Variants in PAQR5 observed in about 807,000 individuals in gnomAD.
PAQR5 encodes progestin and adipoQ receptor family member 5.
Under a neutral mutation model 34.5 loss-of-function variants are expected in PAQR5, and 20 were observed. The ratio of observed to expected loss-of-function variants is 0.58; its 90% CI spans 0.41 to 0.84. The LOEUF (loss-of-function observed/expected upper bound fraction) is 0.84. Among genes scored for constraint, PAQR5 ranks in the 40% least tolerant of loss-of-function variants. The pLI is 0.00. For synonymous variants in PAQR5, 131 were observed against 155.6 expected, an observed-to-expected ratio of 0.84 and a Z score of 1.18; for missense variants, 378 against 412.7, an observed-to-expected ratio of 0.92 and a Z score of 0.73.
intron 2 of PAQR5, among the ~76,000 whole-genome samples, chr15:69,355,691 G>T (rs1461821710): frequency 1.3e-5 from 2 of 152,052 alleles, no homozygotes; most frequent in Non-Finnish European, 2.9e-5. Flanking sequence ...AAAGTGCTGG[G>T]ATTACAGGTG....
At chr15:69,392,733 G>T (rs1195031807) in intron 6 of PAQR5, among the ~76,000 whole-genome samples, 1 of 152,092 alleles carries the variant, frequency 6.6e-6, no homozygotes, top group Non-Finnish European at 1.5e-5. Context: ...ACACCTGCCG[G>T]TATACACAGG....
At chr15:69,380,031 C>T in intron 4 of PAQR5, 21 bp downstream of exon 4, 1 of 1,613,148 alleles carries the variant, frequency 6.2e-7, no homozygotes, top group Non-Finnish European at 8.5e-7. Context: ...GCCCCCTCGA[C>T]CGGCCTGTCT....
chr15:69,355,417 TTTTC>T (rs1352563289), intron 2 of PAQR5, among the ~76,000 whole-genome samples: 1 of 150,002 alleles, frequency 6.7e-6, no homozygotes, highest in African/African-American at 2.5e-5. Context: ...TTTTTTTTCT[TTTTC>T]TTTTTCTTTT....
chr15:69,378,949 C>A (rs542330119), intron 3 of PAQR5, among the ~76,000 whole-genome samples: 1 of 152,290 alleles, frequency 6.6e-6, no homozygotes, highest in Admixed American at 6.5e-5. Flanking sequence ...TCAATAGTGT[C>A]AAAATTGAGA....
chr15:69,369,176 C>A (rs183896821), intron 3 of PAQR5, among the ~76,000 whole-genome samples: 4 of 152,050 alleles, frequency 2.6e-5, no homozygotes, highest in Non-Finnish European at 4.4e-5. Flanking sequence ...CTATCTCTGC[C>A]GTCTACTGTT....
intron 2 of PAQR5, among the ~76,000 whole-genome samples, chr15:69,350,836 C>G (rs2102268): frequency 0.046 from 7,005 of 152,178 alleles, 531 homozygotes; most frequent in African/African-American, 0.16. Context: ...AAAATTTATA[C>G]TATTACTCTT....
rs549201783 is a variant in PAQR5, at chr15:69,379,880, C to T, written c.52-3C>T. 773 of 1,613,316 alleles carry T rather than the reference C, an allele frequency of 4.8e-4. 10 individuals are homozygous for T. The South Asian group carries it at 8.0e-3, about 17-fold the overall frequency. On this transcript the variant is annotated splice_region_variant and splice_polypyrimidine_tract_variant and intron_variant, in intron 3 of 8. Coordinates refer to ENST00000395407, the MANE Select transcript of PAQR5 (RefSeq NM_017705.4). ...TCAGTGTCCTTTTCCTTTGCCTCTG[C>T]AGGTGTTCCATGAGCAAGGCATCCT...
At chr15:69,329,517 CTCTG>C (rs1352078177) in intron 1 of PAQR5, among the ~76,000 whole-genome samples, 2 of 127,194 alleles carry the variant, frequency 1.6e-5, no homozygotes, top group African/African-American at 6.2e-5. Flanking sequence ...TGTCACCTCG[CTCTG>C]TCTGATTGTT....
chr15:69,310,476 G>A (rs114624577), intron 1 of PAQR5, among the ~76,000 whole-genome samples: 2 of 152,104 alleles, frequency 1.3e-5, no homozygotes, highest in East Asian at 1.9e-4. Flanking sequence ...AGTTTAACCT[G>A]CATTTTTGAA....
intron 6 of PAQR5, among the ~76,000 whole-genome samples, chr15:69,395,455 G>A (rs1390102149): frequency 6.6e-6 from 1 of 152,224 alleles, no homozygotes; most frequent in Non-Finnish European, 1.5e-5. Flanking sequence ...ATAGATACAA[G>A]GTGGGGATGG....
intron 4 of PAQR5, among the ~76,000 whole-genome samples, chr15:69,381,052 G>T (rs950012173): frequency 6.6e-6 from 1 of 152,238 alleles, no homozygotes; most frequent in African/African-American, 2.4e-5. Context: ...GCTCAGTCTG[G>T]TGTGGACTAG....
chr15:69,323,052 T>C (rs1211011727), intron 1 of PAQR5, among the ~76,000 whole-genome samples: 1 of 139,538 alleles, frequency 7.2e-6, no homozygotes, highest in African/African-American at 2.9e-5. Flanking sequence ...AGTGGGGTTT[T>C]CCAGGACCTA....
In PAQR5 at chr15:69,404,101, G is replaced by T; in HGVS notation, c.*279G>T. The stretch of plus-strand genomic sequence containing the variant: ...TTAATTTTAAATTTACTTAAAATGT[G>T]GTTTTAAATTCTATTTAAACATTTG... On this transcript the variant is annotated 3_prime_UTR_variant, in exon 9 of 9. Coordinates refer to ENST00000395407, the MANE Select transcript of PAQR5 (RefSeq NM_017705.4). 1.2e-5 allele frequency: 4 copies of T among 343,128 alleles called. No homozygotes were observed. Among genetic ancestry groups the T allele is most frequent in the South Asian group, 8.3e-5 (2 of 24,136 alleles). The allele number at this position is 343,128 out of a possible 1,614,324, so 21.3% of individuals were successfully genotyped here.
chr15:69,373,593 A>G (rs2055621699), intron 3 of PAQR5, among the ~76,000 whole-genome samples: 1 of 151,942 alleles, frequency 6.6e-6, no homozygotes, highest in East Asian at 1.9e-4. Context: ...AGCACACACT[A>G]CCTGAGTTCT....
At position 69,375,938 on chromosome 15, in the gene PAQR5, A is replaced by T. The variant is rs1015018440; in HGVS notation, c.52-3945A>T. Among the ~76,000 whole-genome samples the T allele has an allele frequency of 5.9e-5, 9 of 152,122 alleles. 1 individual carries two copies. Among genetic ancestry groups the T allele is most frequent in the Admixed American group, 3.3e-4 (5 of 15,268 alleles). On this transcript the variant is annotated intron_variant, in intron 3 of 8. Transcript: ENST00000395407. ...GGTTTGCAGTTTAATAGCTAGAAAA[A>T]CCAAAGGCTTGAAACTGTCACGGTA...
intron 3 of PAQR5, among the ~76,000 whole-genome samples, chr15:69,367,269 C>CT (rs374004795): frequency 4.7e-4 from 71 of 151,492 alleles, no homozygotes; most frequent in East Asian, 3.3e-3. Context: ...TTACATTTCT[C>CT]TTTTTTTTTC....
intron 1 of PAQR5, among the ~76,000 whole-genome samples, chr15:69,322,327 A>C (rs1048776448): frequency 6.7e-6 from 1 of 149,562 alleles, no homozygotes; most frequent in Non-Finnish European, 1.5e-5. Flanking sequence ...GTCTCTACTA[A>C]AAATACAAAA....
rs574614661 is a variant in PAQR5 at position 69,395,253 on chromosome 15, C to T, written c.513-2215C>T. ...TGTGCCCTCTGCTCCAGGGGCAGAG[C>T]GGGCAGGGAAGGGTGAAGGCCGGGC... On this transcript the variant is annotated intron_variant, in intron 6 of 8. Coordinates refer to ENST00000395407, the MANE Select transcript of PAQR5 (RefSeq NM_017705.4). Among the ~76,000 whole-genome samples, 177 of 152,260 alleles carry T rather than the reference C, an allele frequency of 1.2e-3. 2 individuals are homozygous for T. The highest frequency in any genetic ancestry group is 3.4e-3 in the Middle Eastern group (1 of 294).
At chr15:69,320,336 C>T (rs1393583637) in intron 1 of PAQR5, among the ~76,000 whole-genome samples, 3 of 152,218 alleles carry the variant, frequency 2.0e-5, no homozygotes, top group African/African-American at 7.2e-5. Context: ...CGTGGGTCCC[C>T]TTCCCCTCCC....
Sources: gnomAD v4.1 joint callset for allele counts (sites outside exome capture counted in the v4.1 genomes callset) on GRCh38, gnomAD v4.1.1 for gene constraint, MANE v1.5 for transcripts, NCBI Gene and HGNC (gene_info 2026-07-23, HGNC 2026-07-21) for gene names.